Variants in GALNT18 observed in about 807,000 individuals in gnomAD.
The protein encoded by GALNT18 is GalNAc-transferase 18.
In GALNT18, 44 loss-of-function variants were observed where a neutral mutation model predicts 69.5. That is an observed-to-expected ratio of 0.63 (90% CI 0.50 to 0.81). The LOEUF (loss-of-function observed/expected upper bound fraction) is 0.81. GALNT18 is among the 40% of genes least tolerant of loss of function. GALNT18 has a pLI of 0.00. For missense variants in GALNT18, 715 were observed against 810.0 expected (o/e 0.88, Z 1.42); for synonymous variants, 364 against 318.2 (o/e 1.14, Z -1.53).
intron 10 of GALNT18, among the ~76,000 whole-genome samples, chr11:11,276,804 GGATT>G (rs1454395870): frequency 6.6e-6 from 1 of 152,166 alleles, no homozygotes; most frequent in East Asian, 1.9e-4. Flanking sequence ...TTTATGTGAT[GGATT>G]ATGTTGCTTG....
chr11:11,305,934 C>T (rs545632783), intron 9 of GALNT18, among the ~76,000 whole-genome samples: 19 of 152,218 alleles, frequency 1.2e-4, no homozygotes, highest in Middle Eastern at 3.4e-3. Flanking sequence ...AGGTGCACTC[C>T]CTGGTGCCTG....
chr11:11,350,269 G>A (rs1169915017), intron 6 of GALNT18, among the ~76,000 whole-genome samples: 2 of 152,228 alleles, frequency 1.3e-5, no homozygotes, highest in Non-Finnish European at 2.9e-5. Flanking sequence ...CAGGGGGCCT[G>A]GCTTTTCCTT....
chr11:11,321,556 T>C (rs1849839735), intron 9 of GALNT18, among the ~76,000 whole-genome samples: 1 of 152,210 alleles, frequency 6.6e-6, no homozygotes, highest in South Asian at 2.1e-4. Flanking sequence ...CCTTACATTT[T>C]TGGTGCCATA....
At position 11,616,254 on chromosome 11, in the gene GALNT18, AAAG is replaced by A. The variant is rs1358816471; in HGVS notation, c.235+5102_235+5104del. Among the ~76,000 whole-genome samples, 1 of 152,228 alleles carries A rather than the reference AAAG, an allele frequency of 6.6e-6. No homozygotes were observed. Among genetic ancestry groups the A allele is most frequent in the Non-Finnish European group, 1.5e-5 (1 of 68,032 alleles). On this transcript the variant is annotated intron_variant, in intron 1 of 10. Transcript: ENST00000227756. The surrounding 1 kb of genome is among the most constrained non-coding windows in gnomAD (Gnocchi z 4.4). ...AGAGTAATCAAAGGAGTACAAATCA[AAAG>A]AATAGAGCATTTGACAGGGATTACA...
intron 1 of GALNT18, among the ~76,000 whole-genome samples, chr11:11,561,246 C>T (rs1480456264): frequency 1.3e-5 from 2 of 152,196 alleles, no homozygotes; most frequent in African/African-American, 4.8e-5. Flanking sequence ...GCCTAGCCAC[C>T]TTCTCTTAAT....
chr11:11,532,178 T>TA (rs149087681), intron 1 of GALNT18, among the ~76,000 whole-genome samples: 1,620 of 150,960 alleles, frequency 0.011, 26 homozygotes, highest in African/African-American at 0.034. Context: ...GAGGACAAGG[T>TA]AAAAAAAACG....
chr11:11,370,861 C>A (rs1850885740), intron 6 of GALNT18, among the ~76,000 whole-genome samples: 1 of 152,200 alleles, frequency 6.6e-6, no homozygotes, highest in Admixed American at 6.5e-5. Context: ...GGCGGTCCAA[C>A]CCACTCAGAC....
chr11:11,322,933 A>C (rs1193771726), intron 9 of GALNT18, among the ~76,000 whole-genome samples: 1 of 151,650 alleles, frequency 6.6e-6, no homozygotes, highest in East Asian at 1.9e-4. Flanking sequence ...GAGAAAAGAA[A>C]GCTAGTGATC....
intron 3 of GALNT18, among the ~76,000 whole-genome samples, chr11:11,397,679 C>T (rs774733348): frequency 6.6e-6 from 1 of 152,162 alleles, no homozygotes; most frequent in Non-Finnish European, 1.5e-5. Flanking sequence ...CCATGTTGGC[C>T]AGGCTGTTCT....
intron 10 of GALNT18, among the ~76,000 whole-genome samples, chr11:11,279,368 A>G (rs909934364): frequency 6.6e-6 from 1 of 152,226 alleles, no homozygotes; most frequent in Admixed American, 6.5e-5. Context: ...CAGTTCTTAC[A>G]ACTGTTGAAA....
chr11:11,423,932 A>C (rs569682204), intron 3 of GALNT18, among the ~76,000 whole-genome samples: 12 of 152,330 alleles, frequency 7.9e-5, no homozygotes, highest in African/African-American at 2.4e-4. Context: ...CTAAGCGCTC[A>C]ATGAGCTGGG....
intron 1 of GALNT18, among the ~76,000 whole-genome samples, chr11:11,456,605 G>A (rs1016673894): frequency 6.6e-6 from 1 of 152,164 alleles, no homozygotes; most frequent in Admixed American, 6.5e-5. Flanking sequence ...AGGCTGTGTT[G>A]AGCATTCCTG....
chr11:11,300,366 T>C (rs1849472581), intron 9 of GALNT18, among the ~76,000 whole-genome samples: 1 of 152,174 alleles, frequency 6.6e-6, no homozygotes, highest in Non-Finnish European at 1.5e-5. Context: ...AGAGTTATAT[T>C]GGGACACTGT....
rs1057254870 is a variant in GALNT18, at chr11:11,543,368, G to A, written c.235+77991C>T. Among the ~76,000 whole-genome samples, 1 of 152,204 alleles carries A rather than the reference G, an allele frequency of 6.6e-6. No homozygotes were observed. Among genetic ancestry groups the A allele is most frequent in the African/African-American group, 2.4e-5 (1 of 41,452 alleles). Reference sequence around the variant, plus strand: ...TCCTTAGTAGGCCACCTCAGCTGGAGTGACAGGGACGTGGTGAGGACAAAG... The same window carrying A: ...TCCTTAGTAGGCCACCTCAGCTGGAATGACAGGGACGTGGTGAGGACAAAG... On this transcript the variant is annotated intron_variant, in intron 1 of 10. Coordinates refer to ENST00000227756, the MANE Select transcript of GALNT18 (RefSeq NM_198516.3). The surrounding 1 kb of genome is among the most constrained non-coding windows in gnomAD (Gnocchi z 5.1).
intron 2 of GALNT18, among the ~76,000 whole-genome samples, chr11:11,441,054 T>C (rs1855522797): frequency 6.6e-6 from 1 of 152,216 alleles, no homozygotes; most frequent in Non-Finnish European, 1.5e-5. Flanking sequence ...GTTGTCCTCC[T>C]GTAAATACTT....
chr11:11,506,097 G>C (rs1354309365), intron 1 of GALNT18, among the ~76,000 whole-genome samples: 1 of 152,168 alleles, frequency 6.6e-6, no homozygotes, highest in Non-Finnish European at 1.5e-5. Flanking sequence ...GAAAGGCACA[G>C]CCAAGCAAGA....
rs893084515 is a variant in GALNT18, at chr11:11,621,851, C to T, written c.-258G>A. 4.2e-6 allele frequency: 2 copies of T among 475,354 alleles called. No individual in the cohort carries two copies. Among genetic ancestry groups the T allele is most frequent in the Non-Finnish European group, 7.5e-6 (2 of 265,232 alleles). The allele number at this position is 475,354 out of a possible 1,614,324, so 29.4% of individuals were successfully genotyped here. A position where few individuals can be genotyped will look rare whatever the true frequency, so the allele number is the denominator to read the frequency against. ...TTTCCAAATTAAAAATCCCTGAACC[C>T]TTCCTAGAGGGGTCACGGGTAGCCG... On this transcript the variant is annotated 5_prime_UTR_variant, in exon 1 of 11. Transcript: ENST00000227756. This position sits in a 1 kb window ranked among gnomAD's most constrained non-coding sequence, Gnocchi z 9.3.
In GALNT18 at chr11:11,564,326, T is replaced by C. The variant is rs1858589316; in HGVS notation, c.235+57033A>G. On this transcript the variant is annotated intron_variant, in intron 1 of 10. Transcript: ENST00000227756. The surrounding 1 kb of genome is among the most constrained non-coding windows in gnomAD (Gnocchi z 4.3). ...GGTCCTAGAATGACAGGCACATACA[T>C]CCCTGGGAGTCTACATTCTGCTGGC... Among the ~76,000 whole-genome samples, 1 of 152,118 alleles carries C rather than the reference T, an allele frequency of 6.6e-6. No individual in the cohort carries two copies. The highest frequency in any genetic ancestry group is 1.5e-5 in the Non-Finnish European group (1 of 68,018).
rs560156976 is a variant in GALNT18 at position 11,603,243 on chromosome 11, A to G, written c.235+18116T>C. On this transcript the variant is annotated intron_variant, in intron 1 of 10. Coordinates refer to ENST00000227756, the MANE Select transcript of GALNT18 (RefSeq NM_198516.3). The surrounding 1 kb of genome is among the most constrained non-coding windows in gnomAD (Gnocchi z 4.5). ...CAGCCAAGACTAAGTGTTGCCACAT[A>G]AGAACCGTCCTCCAAGGCTGTAAAC... Among the ~76,000 whole-genome samples the G allele has an allele frequency of 6.6e-6, 1 of 152,320 alleles. No individual in the cohort carries two copies. The highest frequency in any genetic ancestry group is 6.5e-5 in the Admixed American group (1 of 15,300).
Sources: allele counts gnomAD v4.1 joint callset (sites outside exome capture counted in the v4.1 genomes callset), GRCh38; gene constraint gnomAD v4.1.1; non-coding constraint Gnocchi (gnomAD v3.1); transcripts MANE v1.5; gene names NCBI Gene and HGNC (gene_info 2026-07-23, HGNC 2026-07-21).